RORA: variants seen among roughly 807,000 people sequenced by gnomAD.
RORA encodes the protein RAR related orphan receptor A, also known as nuclear receptor ROR-alpha.
A neutral mutation model predicts 69.5 loss-of-function variants in RORA; 7 were observed. The observed-to-expected ratio is 0.10, with a 90% CI of 0.06 to 0.19. RORA has a LOEUF of 0.19. Among genes scored for constraint, RORA ranks in the 10% least tolerant of loss-of-function variants. RORA has a pLI of 1.00. For missense variants in RORA, 457 were observed against 663.0 expected (o/e 0.69, Z 3.41); for synonymous variants, 261 against 240.8 (o/e 1.08, Z -0.78).
chr15:61,217,136 C>T (rs2080047379), intron 1 of RORA, among the ~76,000 whole-genome samples: 1 of 152,122 alleles, frequency 6.6e-6, no homozygotes, highest in East Asian at 1.9e-4. Flanking sequence ...AAGGCAAACA[C>T]CTCTGCAGGA....
intron 2 of RORA, among the ~76,000 whole-genome samples, chr15:60,599,371 C>T (rs1004135262): frequency 3.9e-5 from 6 of 151,988 alleles, no homozygotes; most frequent in African/African-American, 7.3e-5. Context: ...GCCAACATGG[C>T]GAAACCCCAT....
At chr15:60,665,863 C>T (rs922814618) in intron 2 of RORA, among the ~76,000 whole-genome samples, 10 of 152,034 alleles carry the variant, frequency 6.6e-5, no homozygotes, top group East Asian at 1.9e-4. Context: ...TTAGTAAAGA[C>T]GGGGTTTCCC....
chr15:60,520,717 G>A (rs1690543468), intron 3 of RORA, among the ~76,000 whole-genome samples: 2 of 152,066 alleles, frequency 1.3e-5, no homozygotes, highest in Admixed American at 6.5e-5. Context: ...GGGTGGAACT[G>A]AGGAGGCGTA....
intron 1 of RORA, among the ~76,000 whole-genome samples, chr15:61,086,432 T>G (rs2078626088): frequency 1.3e-5 from 2 of 152,216 alleles, no homozygotes; most frequent in African/African-American, 4.8e-5. Flanking sequence ...GAACTCAGAG[T>G]AATGTCACTA....
At chr15:61,153,003 T>C (rs1040763298) in intron 1 of RORA, among the ~76,000 whole-genome samples, 13 of 152,108 alleles carry the variant, frequency 8.5e-5, no homozygotes, top group Non-Finnish European at 1.5e-4. Flanking sequence ...CAAGTCACAA[T>C]TGAACTGGCC....
At chr15:61,120,720 C>A (rs866735481) in intron 1 of RORA, among the ~76,000 whole-genome samples, 94 of 140,006 alleles carry the variant, frequency 6.7e-4, no homozygotes, top group Non-Finnish European at 6.6e-4. Context: ...AAAAAAAAAA[C>A]ATACCCTACT....
chr15:61,050,887 C>A (rs1421753247), intron 1 of RORA, among the ~76,000 whole-genome samples: 1 of 152,190 alleles, frequency 6.6e-6, no homozygotes, highest in Non-Finnish European at 1.5e-5. Flanking sequence ...AAATAAAGCA[C>A]ATACCTAGTA....
chr15:60,637,037 A>T (rs2069853568), intron 2 of RORA, among the ~76,000 whole-genome samples: 1 of 152,144 alleles, frequency 6.6e-6, no homozygotes, highest in Non-Finnish European at 1.5e-5. Flanking sequence ...TTAAATAAAC[A>T]TGGTTTTTGT....
At chr15:61,094,330 G>A (rs1366899041) in intron 1 of RORA, among the ~76,000 whole-genome samples, 1 of 152,160 alleles carries the variant, frequency 6.6e-6, no homozygotes, top group Non-Finnish European at 1.5e-5. Context: ...CCATTAAATT[G>A]ACCTTGGAAT....
chr15:60,922,552 T>G (rs1237929757), intron 1 of RORA, among the ~76,000 whole-genome samples: 2 of 152,220 alleles, frequency 1.3e-5, no homozygotes, highest in East Asian at 1.9e-4. Context: ...TGTCCAGTTT[T>G]CCTAACTCAT....
At chr15:60,547,358 C>T (rs1417650641) in intron 2 of RORA, among the ~76,000 whole-genome samples, 1 of 147,422 alleles carries the variant, frequency 6.8e-6, no homozygotes, top group Non-Finnish European at 1.5e-5. Context: ...GGGTCTCGCT[C>T]TGTCACCCAG....
intron 1 of RORA, among the ~76,000 whole-genome samples, chr15:60,912,089 T>C (rs1891740870): frequency 6.6e-6 from 1 of 152,140 alleles, no homozygotes; most frequent in South Asian, 2.1e-4. Context: ...GTTTGTCCAA[T>C]ATTTTGCTTA....
intron 1 of RORA, among the ~76,000 whole-genome samples, chr15:60,713,742 T>A (rs1365832568): frequency 6.6e-6 from 1 of 152,146 alleles, no homozygotes; most frequent in South Asian, 2.1e-4. Context: ...CCCATGACAG[T>A]AAAGTGAAGT....
In RORA at chr15:60,708,279, G is replaced by A. The variant is rs139466703; in HGVS notation, c.167-29593C>T. 9.3e-4 allele frequency among the ~76,000 whole-genome samples: 142 copies of A among 151,936 alleles called. 2 individuals carry two copies. In the East Asian group the frequency reaches 0.023, roughly 25 times the overall value. ...TCTACTAAAAATACAAAAATTAGCT[G>A]GGCTTGGTGGTGTGTGCCTGTAGTC... On this transcript the variant is annotated intron_variant, in intron 1 of 10. Transcript: ENST00000335670.
At chr15:61,121,133 G>T (rs1050997223) in intron 1 of RORA, among the ~76,000 whole-genome samples, 1 of 152,030 alleles carries the variant, frequency 6.6e-6, no homozygotes, top group Non-Finnish European at 1.5e-5. Flanking sequence ...TACAGACGTG[G>T]GCCACCATGC....
intron 1 of RORA, among the ~76,000 whole-genome samples, chr15:60,813,678 T>C (rs1017810745): frequency 6.6e-6 from 1 of 152,350 alleles, no homozygotes; most frequent in South Asian, 2.1e-4. Flanking sequence ...TAAAAACTAC[T>C]ACAGAATACT....
Position 60,556,775 on chromosome 15 carries a change from T to C in RORA, c.197-24924A>G. 3 of 1,093,570 alleles carry C rather than the reference T, an allele frequency of 2.7e-6. No individual in the cohort carries two copies. In the South Asian group the frequency reaches 4.2e-5, roughly 15 times the overall value. 67.7% of individuals were successfully genotyped at this position (1,093,570 alleles called of 1,614,324 possible). On this transcript the variant is annotated intron_variant, in intron 2 of 10. Transcript: ENST00000335670. ...CTGGTTCTGCGGGAGGCTCCATCTT[T>C]GATTCAAACCTCACTTCTTCCTAAA...
intron 1 of RORA, among the ~76,000 whole-genome samples, chr15:60,923,399 T>C (rs930771890): frequency 1.1e-4 from 16 of 152,130 alleles, no homozygotes; most frequent in African/African-American, 3.9e-4. Flanking sequence ...TGGCACATAG[T>C]GGGCCCTCAA....
intron 1 of RORA, among the ~76,000 whole-genome samples, chr15:61,145,428 G>C (rs953809050): frequency 1.3e-5 from 2 of 152,200 alleles, no homozygotes; most frequent in Non-Finnish European, 2.9e-5. Flanking sequence ...GGGAGTCCAG[G>C]CTACATCTAG....
Sources: gnomAD v4.1 joint callset for allele counts (sites outside exome capture counted in the v4.1 genomes callset) on GRCh38, gnomAD v4.1.1 for gene constraint, MANE v1.5 for transcripts, NCBI Gene and HGNC (gene_info 2026-07-23, HGNC 2026-07-21) for gene names.